The following PSG1 variants were observed in gnomAD, a reference collection of about 807,000 sequenced individuals.
PSG1 encodes the protein pregnancy specific beta-1-glycoprotein 1.
In PSG1, 60 loss-of-function variants were observed where a neutral mutation model predicts 41.4. The ratio of observed to expected loss-of-function variants is 1.45; its 90% CI spans 1.18 to 1.80. PSG1 has a LOEUF of 1.80. Among genes scored for constraint, PSG1 ranks in the 40% most tolerant of loss-of-function variants. PSG1 has a pLI of 0.00. For synonymous variants in PSG1, 256 were observed against 192.9 expected, an observed-to-expected ratio of 1.33 and a Z score of -2.71; for missense variants, 806 against 516.9, an observed-to-expected ratio of 1.56 and a Z score of -5.42.
chr19:42,879,029 CTT>C lies in PSG1; in HGVS notation c.64+487_64+488del, dbSNP rs983532839. Among the ~76,000 whole-genome samples, 368 of 151,798 alleles carry C rather than the reference CTT, an allele frequency of 2.4e-3. 9 individuals are homozygous for C. Among genetic ancestry groups the C allele is most frequent in the Non-Finnish European group, 3.7e-4 (25 of 67,892 alleles). On this transcript the variant is annotated intron_variant, in intron 1 of 5. Coordinates refer to ENST00000436291, the MANE Select transcript of PSG1 (RefSeq NM_001184825.2). ...GATGATTAATCAGGAAAACAGAACACTTAAGATTTTCCTACCTCTTACCAATT... is the reference window on the plus strand; with the variant it reads ...GATGATTAATCAGGAAAACAGAACACAAGATTTTCCTACCTCTTACCAATT...
At position 42,877,565 on chromosome 19, in the gene PSG1, G is replaced by T. The variant is rs189154786; in HGVS notation, c.430+348C>A. 2.1e-4 allele frequency among the ~76,000 whole-genome samples: 32 copies of T among 151,706 alleles called. 2 individuals carry two copies. In the East Asian group the frequency reaches 4.5e-3, roughly 21 times the overall value. On this transcript the variant is annotated intron_variant, in intron 2 of 5. Transcript: ENST00000436291. ...CTGAGCTTCTCTGAGAGTATCTCAG[G>T]GGGCCCCTCAGGCCAAGCCCTACTC...
rs376439161 is a variant in PSG1 at position 42,867,085 on chromosome 19, C to T, written c.*49G>A. ...GGCTTCTGGAACAGAGTGGGTCTTG[C>T]TCTTAGTGATTCCATGGGAGAAAAT... is the stretch of plus-strand genomic sequence containing the variant. On this transcript the variant is annotated 3_prime_UTR_variant, in exon 6 of 6. Transcript: ENST00000436291. The T allele has an allele frequency of 6.5e-6, 5 of 772,768 alleles. No individual in the cohort carries two copies. Among genetic ancestry groups the T allele is most frequent in the South Asian group, 2.7e-5 (2 of 74,390 alleles). 47.9% of individuals were successfully genotyped at this position (772,768 alleles called of 1,614,324 possible).
At chr19:42,877,260 C>A (rs1971647726) in intron 2 of PSG1, among the ~76,000 whole-genome samples, 2 of 151,624 alleles carry the variant, frequency 1.3e-5, no homozygotes, top group South Asian at 4.2e-4. Context: ...CTATCCTAAG[C>A]CTCCTAAGGC....
chr19:42,876,344 G>A lies in PSG1; in HGVS notation c.430+1569C>T, dbSNP rs376143461. Among the ~76,000 whole-genome samples the A allele has an allele frequency of 1.9e-4, 29 of 151,376 alleles. 1 individual carries two copies. The highest frequency in any genetic ancestry group is 3.9e-4 in the East Asian group (2 of 5,140). On this transcript the variant is annotated intron_variant, in intron 2 of 5. Coordinates refer to ENST00000436291, the MANE Select transcript of PSG1 (RefSeq NM_001184825.2). ...ACCAAGGAGCCCTCGAGAACCCTCCGGTGGCTTAAGAGCTTCAGAATTACA... is the reference window on the plus strand; with the variant it reads ...ACCAAGGAGCCCTCGAGAACCCTCCAGTGGCTTAAGAGCTTCAGAATTACA...
Position 42,869,309 on chromosome 19 carries a change from C to T in PSG1, c.710-275G>A. 4.4e-6 allele frequency: 3 copies of T among 679,596 alleles called. No individual in the cohort carries two copies. The East Asian group carries it at 9.3e-5, about 21-fold the overall frequency. The allele number at this position is 679,596 out of a possible 1,614,324, so 42.1% of individuals were successfully genotyped here. A position where few individuals can be genotyped will look rare whatever the true frequency, so the allele number is the denominator to read the frequency against. ...CAGACACGTCAGTGGGAGTCACAGC[C>T]CCTGGTACCCTTCCCAGGCCCTCCC... is the stretch of plus-strand genomic sequence containing the variant. On this transcript the variant is annotated intron_variant, in intron 3 of 5. Transcript: ENST00000436291.
chr19:42,867,535 G>T, intron 5 of PSG1: 1 of 613,006 alleles, frequency 1.6e-6, no homozygotes. Flanking sequence ...TATAACATCC[G>T]AATCAAAGCA....
At chr19:42,869,401 CA>C in intron 3 of PSG1, 1 of 332,874 alleles carries the variant, frequency 3.0e-6, no homozygotes, top group Non-Finnish European at 5.5e-6. Context: ...GGGCCCCTTC[CA>C]AATTCCATCC....
At chr19:42,875,827 T>A (rs1016298687) in intron 2 of PSG1, among the ~76,000 whole-genome samples, 1 of 146,766 alleles carries the variant, frequency 6.8e-6, no homozygotes, top group Non-Finnish European at 1.5e-5. Flanking sequence ...TTTATTTGTT[T>A]TTTTTTTTTT....
chr19:42,873,429 A>T (rs1971476458), intron 2 of PSG1, among the ~76,000 whole-genome samples: 1 of 151,586 alleles, frequency 6.6e-6, no homozygotes, highest in South Asian at 2.1e-4. Context: ...GTAACAGTGT[A>T]ATTTTTCCGT....
At position 42,866,847 on chromosome 19, in the gene PSG1, G is replaced by C. The variant is rs1268208955; in HGVS notation, c.*287C>G. ...CAGGCATGAGCAAGGACAGTTAAGA[G>C]GGGGGAGAGCCTCATCATGATGGGG... On this transcript the variant is annotated 3_prime_UTR_variant, in exon 6 of 6. Transcript: ENST00000436291. 4 of 620,068 alleles carry C rather than the reference G, an allele frequency of 6.5e-6. No individual in the cohort carries two copies. The highest frequency in any genetic ancestry group is 3.7e-5 in the African/African-American group (2 of 54,666). 38.4% of individuals were successfully genotyped at this position (620,068 alleles called of 1,614,324 possible).
rs576868692 is a variant in PSG1, at chr19:42,866,848, G to T, written c.*286C>A. On this transcript the variant is annotated 3_prime_UTR_variant, in exon 6 of 6. Coordinates refer to ENST00000436291, the MANE Select transcript of PSG1 (RefSeq NM_001184825.2). ...AGGCATGAGCAAGGACAGTTAAGAG[G>T]GGGGAGAGCCTCATCATGATGGGGA... The T allele has an allele frequency of 2.1e-5, 13 of 621,968 alleles. No individual in the cohort carries two copies. Among genetic ancestry groups the T allele is most frequent in the African/African-American group, 5.5e-5 (3 of 54,806 alleles). 38.5% of individuals were successfully genotyped at this position (621,968 alleles called of 1,614,324 possible).
At position 42,877,995 on chromosome 19, in the gene PSG1, G is replaced by C. The variant is rs137928256; in HGVS notation, c.348C>G (p.Asp116Glu). 2 of 1,612,348 alleles carry C rather than the reference G, an allele frequency of 1.2e-6. No homozygotes were observed. Among genetic ancestry groups the C allele is most frequent in the African/African-American group, 1.3e-5 (1 of 74,724 alleles). ...TGATGTGTAAGGTGTAGGATCCTGC[G>C]TCCTCCCGGGTGACATTCTGGATCA... ...SLLIQNVTREDAGSYTLHIIK... is the reference protein window; with the variant it reads ...SLLIQNVTREEAGSYTLHIIK... The change falls in exon 2 of 6, where the codon GAC (aspartate) becomes GAG (glutamate). Residue 116 changes from aspartate to glutamate, a missense_variant. By Grantham distance (45) the Asp-to-Glu change is conservative (BLOSUM62 2). Transcript: ENST00000436291.
At chr19:42,873,753 A>G (rs1236479267) in intron 2 of PSG1, among the ~76,000 whole-genome samples, 1 of 151,680 alleles carries the variant, frequency 6.6e-6, no homozygotes, top group Non-Finnish European at 1.5e-5. Flanking sequence ...GGGAGAAAGG[A>G]TGTCAAATTA....
intron 2 of PSG1, chr19:42,876,729 GC>G (rs1971623181): frequency 1.2e-5 from 2 of 168,322 alleles, no homozygotes; most frequent in African/African-American, 4.8e-5. Flanking sequence ...ACATTTTTTT[GC>G]ACTGACTCTG....
intron 1 of PSG1, 128 bp from the exon 2 acceptor site, chr19:42,878,406 AACACACAC>A (rs5828151): frequency 1.3e-5 from 16 of 1,192,464 alleles, no homozygotes; most frequent in East Asian, 5.1e-5. Flanking sequence ...CACACATACA[AACACACAC>A]ACACACACAC....
Position 42,868,842 on chromosome 19 carries a change from G to T in PSG1, c.902C>A (p.Thr301Lys), listed in dbSNP as rs763167668. 1.9e-6 allele frequency: 3 copies of T among 1,611,300 alleles called. No homozygotes were observed. The highest frequency in any genetic ancestry group is 1.3e-5 in the African/African-American group (1 of 74,684). ...TTGATAGGGTCCTGTTTCATTTCTC[G>T]TGACACTGGGTAGAATGAGGATCCT... is the stretch of plus-strand genomic sequence containing the variant. ...ENRILILPSVTRNETGPYQCE... is the reference protein window; with the variant it reads ...ENRILILPSVKRNETGPYQCE... The change falls in exon 4 of 6, where the codon ACG becomes AAG. Residue 301 changes from threonine to lysine, a missense_variant. Physicochemically the swap from Thr to Lys is moderately conservative, Grantham distance 78. Coordinates refer to ENST00000436291, the MANE Select transcript of PSG1 (RefSeq NM_001184825.2).
chr19:42,867,996 C>G (rs1382714171), intron 5 of PSG1, 105 bp downstream of exon 5: 1 of 1,606,898 alleles, frequency 6.2e-7, no homozygotes, highest in Non-Finnish European at 8.5e-7. Flanking sequence ...TTGCTTGTGC[C>G]CATGGGACAC....
rs111338477 is a variant in PSG1 at position 42,871,888 on chromosome 19, G to C, written c.588C>G (p.Ser196=). The C allele has an allele frequency of 3.7e-6, 6 of 1,612,330 alleles. No homozygotes were observed. The highest frequency in any genetic ancestry group is 5.1e-6 in the Non-Finnish European group (6 of 1,179,202). ...ATAGAAAGAGGGTCCTGTTGGTTTC[G>C]GACAGCTTCAAGCTGTGAGTCATAG... The part of the protein sequence containing the change: ...SLPMTHSLKL[S]ETNRTLFLLG... Residue 196 remains serine (S), a synonymous_variant, in exon 3 of 6, where the codon TCC becomes TCG. Transcript: ENST00000436291.
intron 2 of PSG1, among the ~76,000 whole-genome samples, chr19:42,874,537 G>C (rs376439893): frequency 6.6e-6 from 1 of 151,548 alleles, no homozygotes; most frequent in Non-Finnish European, 1.5e-5. Flanking sequence ...TAGTAGAGAC[G>C]GGGTTTCACC....
Sources: gnomAD v4.1 joint callset for allele counts (sites outside exome capture counted in the v4.1 genomes callset) on GRCh38, gnomAD v4.1.1 for gene constraint, MANE v1.5 for transcripts, NCBI Gene and HGNC (gene_info 2026-07-23, HGNC 2026-07-21) for gene names.